FBN1: variants seen among roughly 807,000 people sequenced by gnomAD.
FBN1 encodes fibrillin-1.
In FBN1, 29 loss-of-function variants were observed where a neutral mutation model predicts 365.1. The ratio of observed to expected loss-of-function variants is 0.08; its 90% CI spans 0.06 to 0.11. FBN1 has a LOEUF of 0.11. FBN1 is among the 10% of genes least tolerant of loss of function. The pLI is 1.00. For missense variants in FBN1, 2,476 were observed against 3,703.2 expected (o/e 0.67, Z 8.60); for synonymous variants, 1,210 against 1,270.5 (o/e 0.95, Z 1.01).
chr15:48,475,782 G>A (rs1000935199), intron 32 of FBN1, among the ~76,000 whole-genome samples: 1 of 152,196 alleles, frequency 6.6e-6, no homozygotes, highest in Non-Finnish European at 1.5e-5. Flanking sequence ...TATCTGCCAA[G>A]TGTTCCATCT....
Position 48,523,163 on chromosome 15 carries a change from C to T in FBN1, c.989-2346G>A, listed in dbSNP as rs190847545. Among the ~76,000 whole-genome samples the T allele has an allele frequency of 3.0e-3, 461 of 152,348 alleles. 5 individuals are homozygous for T. Among genetic ancestry groups the T allele is most frequent in the Non-Finnish European group, 4.9e-3 (331 of 68,040 alleles). On this transcript the variant is annotated intron_variant, in intron 9 of 65. Transcript: ENST00000316623. Reference sequence around the variant, plus strand: ...AATGGGAAGAGATATTCAAAACTGGCTTATATCCCAGCTTCAAATGAATTC... The same window carrying T: ...AATGGGAAGAGATATTCAAAACTGGTTTATATCCCAGCTTCAAATGAATTC...
intron 23 of FBN1, 119 bp from the exon 24 acceptor site, chr15:48,492,705 T>G: frequency 4.0e-5 from 32 of 793,984 alleles, no homozygotes; most frequent in Non-Finnish European, 5.5e-5. Context: ...AAAACTAGTT[T>G]GCCTACAAGT....
chr15:48,556,479 T>A (rs79098579), intron 6 of FBN1, among the ~76,000 whole-genome samples: 1,827 of 152,326 alleles, frequency 0.012, 45 homozygotes, highest in African/African-American at 0.042. Context: ...TAAATTCCCC[T>A]TGAAATACCC....
At chr15:48,609,939 C>T (rs1248016788) in intron 4 of FBN1, among the ~76,000 whole-genome samples, 1 of 152,164 alleles carries the variant, frequency 6.6e-6, no homozygotes, top group South Asian at 2.1e-4. Context: ...TGCACTTATT[C>T]CACAATGTTT....
At chr15:48,524,573 T>G (rs1455343429) in intron 9 of FBN1, among the ~76,000 whole-genome samples, 1 of 151,876 alleles carries the variant, frequency 6.6e-6, no homozygotes, top group Non-Finnish European at 1.5e-5. Flanking sequence ...CACAACAGAG[T>G]TGCAAAGAAG....
chr15:48,465,113 C>CA (rs1322037589), intron 40 of FBN1, among the ~76,000 whole-genome samples: 1 of 152,128 alleles, frequency 6.6e-6, no homozygotes, highest in Non-Finnish European at 1.5e-5. Flanking sequence ...CAAGGGCCAC[C>CA]ACTCATAGCA....
chr15:48,506,777 G>A (rs1321562911), intron 15 of FBN1, among the ~76,000 whole-genome samples: 1 of 152,070 alleles, frequency 6.6e-6, no homozygotes, highest in African/African-American at 2.4e-5. Flanking sequence ...ATGGCATAAA[G>A]ACAAAAATTA....
intron 63 of FBN1, among the ~76,000 whole-genome samples, chr15:48,417,066 T>G (rs1380743775): frequency 8.5e-5 from 13 of 152,218 alleles, no homozygotes; most frequent in Admixed American, 8.5e-4. Context: ...GGGCAGAAAT[T>G]CACAGCCAGG....
chr15:48,548,577 G>C (rs2044114967), intron 6 of FBN1, among the ~76,000 whole-genome samples: 1 of 152,188 alleles, frequency 6.6e-6, no homozygotes, highest in Admixed American at 6.5e-5. Context: ...ATCATGTACT[G>C]TCTGAACACT....
chr15:48,557,742 C>G (rs1201826090), intron 6 of FBN1, among the ~76,000 whole-genome samples: 1 of 152,158 alleles, frequency 6.6e-6, no homozygotes, highest in African/African-American at 2.4e-5. Flanking sequence ...GGCATCTTTT[C>G]CACAGTAGGG....
rs2043997348 is a variant in FBN1 at position 48,534,264 on chromosome 15, A to G, written c.737-59T>C. ...AAAACTCATATGAAATTCATTGCAG[A>G]ATAAAATGTGATAATTTGTCCACAA... On this transcript the variant is annotated intron_variant, in intron 7 of 65. Coordinates refer to ENST00000316623, the MANE Select transcript of FBN1 (RefSeq NM_000138.5). The G allele has an allele frequency of 2.6e-6, 4 of 1,543,118 alleles. No homozygotes were observed. The South Asian group carries it at 4.7e-5, about 18-fold the overall frequency.
intron 6 of FBN1, among the ~76,000 whole-genome samples, chr15:48,563,673 C>G (rs996529527): frequency 6.6e-6 from 1 of 152,130 alleles, no homozygotes; most frequent in Admixed American, 6.5e-5. Flanking sequence ...GTACTCTTTC[C>G]TCGTGGGTAT....
At chr15:48,426,728 T>C (rs1338354138) in intron 58 of FBN1, among the ~76,000 whole-genome samples, 1 of 152,198 alleles carries the variant, frequency 6.6e-6, no homozygotes, top group Non-Finnish European at 1.5e-5. Flanking sequence ...CACACTCTTA[T>C]TGGTCTCCAG....
chr15:48,471,285 C>T (rs2043374812), intron 35 of FBN1, among the ~76,000 whole-genome samples: 1 of 152,156 alleles, frequency 6.6e-6, no homozygotes, highest in African/African-American at 2.4e-5. Flanking sequence ...CTCCTGTTAA[C>T]ATTCTTCGTG....
chr15:48,458,565 A>T (rs1210840178), intron 43 of FBN1, among the ~76,000 whole-genome samples: 1 of 152,240 alleles, frequency 6.6e-6, no homozygotes, highest in East Asian at 1.9e-4. Context: ...TAGAACACGA[A>T]ACATCATATT....
At chr15:48,525,695 TA>T (rs1464725282) in intron 9 of FBN1, among the ~76,000 whole-genome samples, 2 of 152,184 alleles carry the variant, frequency 1.3e-5, no homozygotes, top group Non-Finnish European at 2.9e-5. Context: ...AGCACTATTT[TA>T]GGAAGATAAA....
intron 53 of FBN1, among the ~76,000 whole-genome samples, chr15:48,435,274 C>T (rs1171621855): frequency 1.3e-5 from 2 of 151,878 alleles, no homozygotes; most frequent in African/African-American, 4.8e-5. Context: ...TTTCTCCAGC[C>T]TCCCACATTA....
At chr15:48,568,037 G>GAAA (rs375685530) in intron 6 of FBN1, among the ~76,000 whole-genome samples, 1 of 70,892 alleles carries the variant, frequency 1.4e-5, no homozygotes, top group Non-Finnish European at 2.5e-5. Flanking sequence ...AAGAAAGAAA[G>GAAA]AAAGAAAGAA....
At chr15:48,503,018 G>A (rs1277251794) in intron 17 of FBN1, among the ~76,000 whole-genome samples, 2 of 151,860 alleles carry the variant, frequency 1.3e-5, no homozygotes, top group African/African-American at 2.4e-5. Flanking sequence ...AACCACACCG[G>A]TCCGGGCGCG....
Sources: allele counts gnomAD v4.1 joint callset (sites outside exome capture counted in the v4.1 genomes callset), GRCh38; gene constraint gnomAD v4.1.1; transcripts MANE v1.5; gene names NCBI Gene and HGNC (gene_info 2026-07-23, HGNC 2026-07-21).